KCNK10: variants seen among roughly 807,000 people sequenced by gnomAD.
KCNK10 encodes potassium two pore domain channel subfamily K member 10, also known as potassium channel subfamily K member 10.
In KCNK10, 25 loss-of-function variants were observed where a neutral mutation model predicts 47.7. The observed-to-expected ratio is 0.52, with a 90% confidence interval of 0.38 to 0.73. The LOEUF (loss-of-function observed/expected upper bound fraction) is 0.73, where lower values mean the gene tolerates loss of function less well. Ranked by LOEUF, KCNK10 falls within the 30% of genes least tolerant of loss-of-function variation. The pLI, the probability that KCNK10 is intolerant of heterozygous loss-of-function variation, is 0.00. For missense variants in KCNK10, 563 were observed against 714.5 expected, an observed-to-expected ratio of 0.79 and a Z score of 2.42; for synonymous variants, 303 against 285.6, an observed-to-expected ratio of 1.06 and a Z score of -0.61.
chr14:88,251,604 A>G (rs1371127572), intron 2 of KCNK10, among the ~76,000 whole-genome samples: 1 of 152,248 alleles, frequency 6.6e-6, no homozygotes, highest in African/African-American at 2.4e-5. Context: ...TTATTGAATT[A>G]ATGAACAAAT....
intron 4 of KCNK10, 140 bp downstream of exon 4, chr14:88,227,235 C>T (rs1255309761): frequency 3.7e-5 from 26 of 696,760 alleles, no homozygotes; most frequent in Non-Finnish European, 4.7e-5. Flanking sequence ...CTTCCATTGG[C>T]CAAAACAGAA....
At chr14:88,197,596 A>G (rs1452241567) in intron 4 of KCNK10, among the ~76,000 whole-genome samples, 1 of 144,424 alleles carries the variant, frequency 6.9e-6, no homozygotes, top group African/African-American at 2.6e-5. Context: ...AAAAAAAAAA[A>G]AAAAAAAAAA....
At chr14:88,304,179 G>A (rs116426028) in intron 1 of KCNK10, among the ~76,000 whole-genome samples, 1,854 of 152,166 alleles carry the variant, frequency 0.012, 49 homozygotes, top group African/African-American at 0.043. Flanking sequence ...GCCAGGTGTG[G>A]TGGCATGTTC....
At chr14:88,207,159 G>A (rs1485748430) in intron 4 of KCNK10, among the ~76,000 whole-genome samples, 1 of 149,514 alleles carries the variant, frequency 6.7e-6, no homozygotes, top group Non-Finnish European at 1.5e-5. Context: ...TCGATTTCAA[G>A]GTCACTCTCT....
chr14:88,299,925 G>A (rs113158479), intron 1 of KCNK10, among the ~76,000 whole-genome samples: 13 of 152,306 alleles, frequency 8.5e-5, no homozygotes, highest in South Asian at 6.2e-4. Context: ...AAAGGCCGAC[G>A]TTTAAGAAAC....
At chr14:88,234,486 G>A (rs148576283) in intron 3 of KCNK10, among the ~76,000 whole-genome samples, 14 of 152,290 alleles carry the variant, frequency 9.2e-5, no homozygotes, top group African/African-American at 2.9e-4. Flanking sequence ...AACCTGTGCC[G>A]CTAAACCAAT....
chr14:88,221,695 T>C (rs1200878291), intron 4 of KCNK10, among the ~76,000 whole-genome samples: 2 of 152,222 alleles, frequency 1.3e-5, no homozygotes, highest in African/African-American at 4.8e-5. Flanking sequence ...ATCACACATC[T>C]TTGTATTTAA....
intron 1 of KCNK10, among the ~76,000 whole-genome samples, chr14:88,289,652 T>C (rs1887836953): frequency 6.6e-6 from 1 of 152,232 alleles, no homozygotes; most frequent in Admixed American, 6.5e-5. Flanking sequence ...ACCCATCTTT[T>C]AAGGGGGCTG....
Position 88,204,704 on chromosome 14 carries a change from T to G in KCNK10, c.682-12294A>C, listed in dbSNP as rs867457474. On this transcript the variant is annotated intron_variant, in intron 4 of 6. Transcript: ENST00000319231. ...TATTGGTGCCCCAATACTGCTCCAT[T>G]TTATACTTCAGTGCCTTTTTCAAGA... Among the ~76,000 whole-genome samples the G allele has an allele frequency of 3.5e-4, 54 of 152,186 alleles. 1 individual carries two copies. The highest frequency in any genetic ancestry group is 1.3e-3 in the African/African-American group (53 of 41,514).
intron 1 of KCNK10, among the ~76,000 whole-genome samples, chr14:88,288,055 T>C (rs1220851765): frequency 3.3e-5 from 5 of 152,138 alleles, no homozygotes; most frequent in Non-Finnish European, 4.4e-5. Context: ...TAAGGCAGTA[T>C]CGCTTTGTGG....
intron 4 of KCNK10, among the ~76,000 whole-genome samples, chr14:88,198,832 A>G (rs892385204): frequency 9.2e-5 from 14 of 152,162 alleles, no homozygotes; most frequent in Non-Finnish European, 1.6e-4. Flanking sequence ...GATATAAACC[A>G]TATTCTTCAG....
At chr14:88,208,682 A>T (rs1256665082) in intron 4 of KCNK10, among the ~76,000 whole-genome samples, 4 of 152,170 alleles carry the variant, frequency 2.6e-5, no homozygotes, top group Admixed American at 1.3e-4. Context: ...TTATTTTTTA[A>T]AAAAAATCAC....
upstream of KCNK10, among the ~76,000 whole-genome samples, chr14:88,326,181 G>T (rs1400683564): frequency 1.3e-4 from 13 of 97,386 alleles, no homozygotes; most frequent in Non-Finnish European, 1.6e-4. Flanking sequence ...CAAGTTACCC[G>T]CCCCCCCCCA....
chr14:88,261,077 T>C (rs1049949834), intron 2 of KCNK10, among the ~76,000 whole-genome samples: 9 of 152,272 alleles, frequency 5.9e-5, no homozygotes, highest in African/African-American at 2.2e-4. Flanking sequence ...ACCAGTGTTC[T>C]ACAATTTGCT....
At chr14:88,246,231 C>T (rs902309676) in intron 2 of KCNK10, among the ~76,000 whole-genome samples, 1 of 147,724 alleles carries the variant, frequency 6.8e-6, no homozygotes, top group Non-Finnish European at 1.5e-5. Flanking sequence ...CCACTGCACT[C>T]CAGCCTGGGG....
At chr14:88,244,537 C>T (rs1290889832) in intron 2 of KCNK10, among the ~76,000 whole-genome samples, 2 of 151,836 alleles carry the variant, frequency 1.3e-5, no homozygotes, top group South Asian at 2.1e-4. Context: ...GGCGTGGTGG[C>T]GGGCGCTGTA....
chr14:88,192,088 C>A (rs1884766136), intron 5 of KCNK10, 136 bp downstream of exon 5: 1 of 764,672 alleles, frequency 1.3e-6, no homozygotes, highest in Admixed American at 2.8e-5. Context: ...TGAAATGAGC[C>A]TCTTCACAGC....
At chr14:88,219,829 T>C (rs913220150) in intron 4 of KCNK10, among the ~76,000 whole-genome samples, 29 of 152,212 alleles carry the variant, frequency 1.9e-4, no homozygotes, top group South Asian at 4.2e-4. Context: ...CTAACAAGTT[T>C]CCAGTGGATG....
intron 1 of KCNK10, among the ~76,000 whole-genome samples, chr14:88,276,012 T>C (rs1326872450): frequency 1.3e-5 from 2 of 152,126 alleles, no homozygotes; most frequent in Admixed American, 1.3e-4. Context: ...TGGGTGACCT[T>C]GGCACAGCCC....
Sources: gnomAD v4.1 joint callset for allele counts (sites outside exome capture counted in the v4.1 genomes callset) on GRCh38, gnomAD v4.1.1 for gene constraint, MANE v1.5 for transcripts, NCBI Gene and HGNC (gene_info 2026-07-23, HGNC 2026-07-21) for gene names.